Variants in GALM observed in about 807,000 individuals in gnomAD.
GALM encodes galactose mutarotase.
A neutral mutation model predicts 37.4 loss-of-function variants in GALM; 43 were observed. That is an observed-to-expected ratio of 1.15 (90% CI 0.90 to 1.48). The LOEUF (loss-of-function observed/expected upper bound fraction) is 1.48. Among genes scored for constraint, GALM ranks in the 40% most tolerant of loss-of-function variants. The pLI, the probability that GALM is intolerant of heterozygous loss-of-function variation, is 0.00. For synonymous variants in GALM, 199 were observed against 170.6 expected, an observed-to-expected ratio of 1.17 and a Z score of -1.30; for missense variants, 456 against 419.1, an observed-to-expected ratio of 1.09 and a Z score of -0.77.
chr2:38,700,543 C>CAGCT (rs1433139002), intron 4 of GALM, among the ~76,000 whole-genome samples: 1 of 151,994 alleles, frequency 6.6e-6, no homozygotes, highest in East Asian at 1.9e-4. Context: ...GATACAAGTA[C>CAGCT]AGCTACCCTG....
intron 5 of GALM, among the ~76,000 whole-genome samples, chr2:38,730,899 C>A (rs1400246018): frequency 5.0e-5 from 7 of 138,828 alleles, no homozygotes; most frequent in Admixed American, 1.5e-4. Flanking sequence ...CCAGGCTAGG[C>A]AACAGAGCAA....
At chr2:38,698,909 C>T (rs1665863187) in intron 4 of GALM, among the ~76,000 whole-genome samples, 1 of 151,946 alleles carries the variant, frequency 6.6e-6, no homozygotes, top group South Asian at 2.1e-4. Context: ...CTGTGTCCAG[C>T]TGTTATTATT....
chr2:38,674,218 T>A (rs1174571681), intron 1 of GALM, among the ~76,000 whole-genome samples: 1 of 149,902 alleles, frequency 6.7e-6, no homozygotes. Context: ...TTTGAGACAG[T>A]CTCGCTCTGT....
chr2:38,686,277 T>TTTCTC (rs1558582155), intron 3 of GALM, among the ~76,000 whole-genome samples: 7 of 112,440 alleles, frequency 6.2e-5, no homozygotes, highest in South Asian at 3.1e-4. Flanking sequence ...TCTTTCTTTC[T>TTTCTC]TATTTTGAGA....
chr2:38,725,751 ACT>A (rs1172130784), intron 4 of GALM, among the ~76,000 whole-genome samples: 1 of 151,176 alleles, frequency 6.6e-6, no homozygotes, highest in Non-Finnish European at 1.5e-5. Flanking sequence ...ACAGAGTCTC[ACT>A]CTGTCTGGAG....
rs530659458 is a variant in GALM, at chr2:38,707,804, C to CA, written c.634+17918dup. Among the ~76,000 whole-genome samples the CA allele has an allele frequency of 2.6e-4, 40 of 151,630 alleles. 1 individual carries two copies. The South Asian group carries it at 6.5e-3, about 25-fold the overall frequency. The stretch of plus-strand genomic sequence containing the variant: ...AGGACACAGCAAGACCCCATCTCTA[C>CA]AAAAAAAATATAAAAATTAGCAGCC... On this transcript the variant is annotated intron_variant, in intron 4 of 6. Transcript: ENST00000272252.
At chr2:38,731,690 C>T in intron 5 of GALM, 45 bp from the exon 6 acceptor site, 1 of 1,520,714 alleles carries the variant, frequency 6.6e-7, no homozygotes. Context: ...CTCCTCCCCA[C>T]CTGCTTTTCT....
rs576945867 is a variant in GALM at position 38,698,485 on chromosome 2, G to A, written c.634+8591G>A. 1.1e-3 allele frequency: 1,002 copies of A among 911,618 alleles called. 3 individuals are homozygous for A. The highest frequency in any genetic ancestry group is 1.5e-3 in the Non-Finnish European group (956 of 658,646). 56.5% of individuals were successfully genotyped at this position (911,618 alleles called of 1,614,324 possible). On this transcript the variant is annotated intron_variant, in intron 4 of 6. Transcript: ENST00000272252. ...ATGTTAGCAGTTAATTTAGCTCTGCGTCTTCAGAGCAATTATTCTTAGCTA... is the reference window on the plus strand; with the variant it reads ...ATGTTAGCAGTTAATTTAGCTCTGCATCTTCAGAGCAATTATTCTTAGCTA...
intron 4 of GALM, among the ~76,000 whole-genome samples, chr2:38,708,417 C>T (rs2148447083): frequency 6.6e-6 from 1 of 152,300 alleles, no homozygotes; most frequent in South Asian, 2.1e-4. Flanking sequence ...CTAGAAGCTA[C>T]CTCAGTGAGT....
chr2:38,704,849 G>C (rs1481236538), intron 4 of GALM, among the ~76,000 whole-genome samples: 1 of 152,038 alleles, frequency 6.6e-6, no homozygotes, highest in Non-Finnish European at 1.5e-5. Flanking sequence ...GACCTCTCTT[G>C]GTAGCAGTGG....
chr2:38,683,564 A>T (rs1162640510), intron 3 of GALM, among the ~76,000 whole-genome samples: 4 of 151,062 alleles, frequency 2.6e-5, no homozygotes, highest in Admixed American at 6.6e-5. Context: ...CAGATTTTAG[A>T]TTGTCCTCTT....
At chr2:38,675,638 G>A (rs374952651) in intron 1 of GALM, among the ~76,000 whole-genome samples, 3 of 144,610 alleles carry the variant, frequency 2.1e-5, no homozygotes, top group Non-Finnish European at 4.5e-5. Context: ...GCGCGGTCTC[G>A]GCTCACTGCA....
At chr2:38,729,484 C>A in intron 4 of GALM, 72 bp from the exon 5 acceptor site, 2 of 1,383,982 alleles carry the variant, frequency 1.4e-6, no homozygotes, top group Non-Finnish European at 2.0e-6. Context: ...AACCAGTGAG[C>A]CTTTGTGGAG....
intron 4 of GALM, among the ~76,000 whole-genome samples, chr2:38,692,560 T>C (rs1369274216): frequency 6.6e-6 from 1 of 152,168 alleles, no homozygotes; most frequent in Non-Finnish European, 1.5e-5. Flanking sequence ...CTCATCTGAC[T>C]CTTAACACTG....
rs777761893 is a variant in GALM at position 38,689,896 on chromosome 2, T to C, written c.634+2T>C. The C allele has an allele frequency of 1.0e-5, 16 of 1,588,358 alleles. No homozygotes were observed. The highest frequency in any genetic ancestry group is 1.7e-5 in the Admixed American group (1 of 58,966). ...TGGATGAAACCCTGATTCCTACAGG[T>C]TGGTGAATTTAACCTTTTTGTGTTA... On this transcript the variant is annotated splice_donor_variant, in intron 4 of 6. Transcript: ENST00000272252. LOFTEE classifies it high-confidence loss of function.
At chr2:38,698,044 A>G (rs1665846498) in intron 4 of GALM, among the ~76,000 whole-genome samples, 1 of 151,884 alleles carries the variant, frequency 6.6e-6, no homozygotes, top group South Asian at 2.1e-4. Context: ...TCCGGGTTCA[A>G]ATGATCCTCT....
At chr2:38,726,140 C>G (rs547682377) in intron 4 of GALM, among the ~76,000 whole-genome samples, 1 of 152,248 alleles carries the variant, frequency 6.6e-6, no homozygotes, top group South Asian at 2.1e-4. Flanking sequence ...CAGAACTGAT[C>G]AGGGTTTAGA....
Position 38,712,707 on chromosome 2 carries a change from G to A in GALM, c.635-16849G>A, listed in dbSNP as rs76296870. Among the ~76,000 whole-genome samples the A allele has an allele frequency of 4.2e-3, 642 of 152,284 alleles. 2 individuals are homozygous for A. Among genetic ancestry groups the A allele is most frequent in the African/African-American group, 0.015 (619 of 41,560 alleles). On this transcript the variant is annotated intron_variant, in intron 4 of 6. Coordinates refer to ENST00000272252, the MANE Select transcript of GALM (RefSeq NM_138801.3). ...CCTCTATGTTCCCACTAAACCATAG[G>A]TGACTGAGCAGCCATGGTGTTGCCT...
chr2:38,669,260 T>G (rs1390655641), intron 1 of GALM: 2 of 152,242 alleles, frequency 1.3e-5, no homozygotes, highest in Non-Finnish European at 2.9e-5. Flanking sequence ...CCTAACCAGT[T>G]ATGTTATCTA....
Sources: allele counts gnomAD v4.1 joint callset (sites outside exome capture counted in the v4.1 genomes callset), GRCh38; gene constraint gnomAD v4.1.1; transcripts MANE v1.5; gene names NCBI Gene and HGNC (gene_info 2026-07-23, HGNC 2026-07-21).